FHIT: variants seen among roughly 807,000 people sequenced by gnomAD.
FHIT encodes the protein bis(5'-adenosyl)-triphosphatase.
Under a neutral mutation model 17.9 loss-of-function variants are expected in FHIT, and 19 were observed. The observed-to-expected ratio is 1.06, with a 90% CI of 0.74 to 1.56. FHIT has a LOEUF of 1.56. Among genes scored for constraint, FHIT ranks in the 40% most tolerant of loss-of-function variants. The pLI is 0.00. For synonymous variants in FHIT, 81 were observed against 69.7 expected, an observed-to-expected ratio of 1.16 and a Z score of -0.81; for missense variants, 248 against 189.2, an observed-to-expected ratio of 1.31 and a Z score of -1.82.
chr3:60,333,686 A>G (rs773111760), intron 5 of FHIT, among the ~76,000 whole-genome samples: 2 of 152,202 alleles, frequency 1.3e-5, no homozygotes, highest in African/African-American at 2.4e-5. Flanking sequence ...ATTGTCCCAT[A>G]GAGCTAATGT....
chr3:60,366,838 C>A (rs1038970763), intron 5 of FHIT, among the ~76,000 whole-genome samples: 4 of 152,130 alleles, frequency 2.6e-5, no homozygotes, highest in African/African-American at 4.8e-5. Context: ...TAGACAGCAA[C>A]CCTACCAAAG....
At chr3:60,947,859 T>A (rs77977535) in intron 3 of FHIT, among the ~76,000 whole-genome samples, 1 of 152,198 alleles carries the variant, frequency 6.6e-6, no homozygotes, top group African/African-American at 2.4e-5. Flanking sequence ...TTTCTTGACA[T>A]TGCATTTGAT....
At chr3:61,040,444 G>T (rs1288458369) in intron 3 of FHIT, among the ~76,000 whole-genome samples, 1 of 152,186 alleles carries the variant, frequency 6.6e-6, no homozygotes, top group East Asian at 1.9e-4. Context: ...AATGATAATG[G>T]TTTTATTAAA....
chr3:60,122,143 C>T (rs570893680), intron 5 of FHIT, among the ~76,000 whole-genome samples: 3 of 151,530 alleles, frequency 2.0e-5, no homozygotes, highest in South Asian at 2.1e-4. Context: ...ATAAAAGAGA[C>T]GTTAGAAAGC....
At chr3:59,985,499 T>C (rs1048166428) in intron 7 of FHIT, among the ~76,000 whole-genome samples, 1 of 152,168 alleles carries the variant, frequency 6.6e-6, no homozygotes, top group Non-Finnish European at 1.5e-5. Context: ...AAAGCAATTT[T>C]ACATTGAATC....
chr3:59,821,516 C>T (rs1700787248), intron 8 of FHIT, among the ~76,000 whole-genome samples: 1 of 152,148 alleles, frequency 6.6e-6, no homozygotes, highest in South Asian at 2.1e-4. Context: ...GATTCTCTCA[C>T]AGAGCAGATG....
At chr3:60,015,231 C>T (rs1700298049) in intron 5 of FHIT, among the ~76,000 whole-genome samples, 1 of 152,150 alleles carries the variant, frequency 6.6e-6, no homozygotes, top group Admixed American at 6.5e-5. Context: ...ATTGGTAGAA[C>T]TCAGAGCCCA....
chr3:60,910,342 G>GA (rs1373934654), intron 3 of FHIT, among the ~76,000 whole-genome samples: 3 of 151,972 alleles, frequency 2.0e-5, no homozygotes, highest in Admixed American at 6.5e-5. Flanking sequence ...GGAGGACTGT[G>GA]AGGGGGGTGA....
chr3:60,030,723 G>T (rs1033756054), intron 5 of FHIT, among the ~76,000 whole-genome samples: 3 of 152,168 alleles, frequency 2.0e-5, no homozygotes, highest in Non-Finnish European at 4.4e-5. Context: ...TCAATGGATG[G>T]ATGGATGGCT....
chr3:61,057,872 G>A (rs570946329), intron 2 of FHIT, among the ~76,000 whole-genome samples: 3 of 152,162 alleles, frequency 2.0e-5, no homozygotes, highest in Non-Finnish European at 4.4e-5. Flanking sequence ...GTAAACAAGA[G>A]CTAAGACGAC....
At chr3:60,605,111 C>CACAGAG (rs782424604) in intron 4 of FHIT, among the ~76,000 whole-genome samples, 16 of 150,108 alleles carry the variant, frequency 1.1e-4, no homozygotes, top group African/African-American at 3.9e-4. Flanking sequence ...CACACACACA[C>CACAGAG]AGAGAGAGAG....
intron 5 of FHIT, among the ~76,000 whole-genome samples, chr3:60,413,670 G>GTA (rs1304025067): frequency 3.9e-5 from 6 of 152,012 alleles, no homozygotes; most frequent in Non-Finnish European, 8.8e-5. Flanking sequence ...GTGTGTGTGT[G>GTA]TGTATGTGTA....
At chr3:60,034,135 C>T (rs1250700639) in intron 5 of FHIT, among the ~76,000 whole-genome samples, 1 of 152,200 alleles carries the variant, frequency 6.6e-6, no homozygotes, top group East Asian at 1.9e-4. Flanking sequence ...GGTAGGTACT[C>T]TAACTGTCCC....
chr3:60,774,395 C>T (rs782510255), intron 4 of FHIT, among the ~76,000 whole-genome samples: 14 of 152,246 alleles, frequency 9.2e-5, no homozygotes, highest in Non-Finnish European at 1.6e-4. Context: ...CTGCCTCTCG[C>T]GTTCATGCAA....
intron 3 of FHIT, among the ~76,000 whole-genome samples, chr3:61,035,756 G>T (rs2033208045): frequency 6.6e-6 from 1 of 151,568 alleles, no homozygotes; most frequent in Admixed American, 6.6e-5. Flanking sequence ...AGAAGTAATT[G>T]TCAGATAGTG....
intron 8 of FHIT, among the ~76,000 whole-genome samples, chr3:59,812,784 T>C (rs2107052944): frequency 6.6e-6 from 1 of 152,338 alleles, no homozygotes; most frequent in Non-Finnish European, 1.5e-5. Context: ...TCAAATGTTA[T>C]GCAAAAGACA....
At chr3:61,099,132 G>C (rs953015748) in intron 2 of FHIT, among the ~76,000 whole-genome samples, 2 of 151,940 alleles carry the variant, frequency 1.3e-5, no homozygotes, top group African/African-American at 4.8e-5. Flanking sequence ...AACATAAATG[G>C]GTATTAAATT....
intron 3 of FHIT, among the ~76,000 whole-genome samples, chr3:61,018,389 A>G (rs1309982426): frequency 1.3e-5 from 2 of 152,240 alleles, no homozygotes; most frequent in African/African-American, 4.8e-5. Context: ...TGCTGTTGGG[A>G]ATTTAAGTGT....
intron 5 of FHIT, among the ~76,000 whole-genome samples, chr3:60,474,930 T>C (rs17063250): frequency 0.038 from 5,774 of 151,870 alleles, 357 homozygotes; most frequent in African/African-American, 0.13. Flanking sequence ...GCCAACACAA[T>C]ACAATTCCAA....
Sources: gnomAD v4.1 joint callset for allele counts (sites outside exome capture counted in the v4.1 genomes callset) on GRCh38, gnomAD v4.1.1 for gene constraint, MANE v1.5 for transcripts, NCBI Gene and HGNC (gene_info 2026-07-23, HGNC 2026-07-21) for gene names.